Variants in PDHX observed in about 807,000 individuals in gnomAD.
PDHX encodes pyruvate dehydrogenase protein X component, mitochondrial.
A neutral mutation model predicts 55.3 loss-of-function variants in PDHX; 33 were observed. The observed-to-expected ratio is 0.60, with a 90% CI of 0.45 to 0.80. The LOEUF (loss-of-function observed/expected upper bound fraction) is 0.80, where lower values mean the gene tolerates loss of function less well. PDHX is among the 30% of genes least tolerant of loss of function. The pLI is 0.00. For missense variants in PDHX, 622 were observed against 619.9 expected (o/e 1.00, Z -0.04); for synonymous variants, 226 against 219.4 (o/e 1.03, Z -0.27).
chr11:34,963,671 G>T (rs890743796), intron 5 of PDHX, among the ~76,000 whole-genome samples: 1 of 152,176 alleles, frequency 6.6e-6, no homozygotes, highest in Non-Finnish European at 1.5e-5. Context: ...TGAAGGAAAT[G>T]CCTCCAGCCC....
intron 1 of PDHX, among the ~76,000 whole-genome samples, chr11:34,928,364 A>T (rs1772879047): frequency 1.4e-5 from 2 of 143,094 alleles, no homozygotes; most frequent in African/African-American, 5.6e-5. Flanking sequence ...GAAAGAACAC[A>T]TTGGGACTTT....
Position 34,919,674 on chromosome 11 carries a change from A to G in PDHX, c.160+2859A>G, listed in dbSNP as rs1401938236. 3.3e-5 allele frequency among the ~76,000 whole-genome samples: 5 copies of G among 152,238 alleles called. No homozygotes were observed. In the South Asian group the frequency reaches 6.2e-4, roughly 19 times the overall value. ...AGTGCATGTATATATTTATATACAT[A>G]TATTAATTTGTTTAACAAATCTTTA... On this transcript the variant is annotated intron_variant, in intron 1 of 10. Transcript: ENST00000227868.
chr11:34,958,341 T>C (rs2761819), intron 4 of PDHX, among the ~76,000 whole-genome samples: 109,068 of 151,898 alleles, frequency 0.72, 39,267 homozygotes, highest in Middle Eastern at 0.78. Context: ...GATCTCATTG[T>C]CCAGGCTGGA....
chr11:34,917,058 C>T (rs1232360691), intron 1 of PDHX, among the ~76,000 whole-genome samples: 1 of 152,096 alleles, frequency 6.6e-6, no homozygotes, highest in African/African-American at 2.4e-5. Context: ...GTGACCTTGC[C>T]TTGGAATTTG....
At chr11:34,922,604 A>T (rs1376745299) in intron 1 of PDHX, among the ~76,000 whole-genome samples, 1 of 152,024 alleles carries the variant, frequency 6.6e-6, no homozygotes, top group African/African-American at 2.4e-5. Flanking sequence ...TGCTTTTTTT[A>T]AAAAAATGAA....
chr11:34,945,548 T>G (rs1854601200), intron 2 of PDHX, among the ~76,000 whole-genome samples: 1 of 152,164 alleles, frequency 6.6e-6, no homozygotes, highest in Non-Finnish European at 1.5e-5. Flanking sequence ...AGATATTACT[T>G]CATTGTTTTC....
In PDHX at chr11:34,957,441, G is replaced by C; in HGVS notation, c.400G>C (p.Glu134Gln). ...LGSLIGLIVE[E>Q]GEDWKHVEIP... is the part of the protein sequence containing the mutation. ...TTCACTAATTGGTTTGATAGTAGAA[G>C]AAGGAGAAGATTGGAAACATGTTGA... The change falls in exon 4 of 11, where the codon GAA becomes CAA. Residue 134 changes from glutamate (E) to glutamine (Q), a missense_variant. Physicochemically the swap from Glu to Gln is conservative, Grantham distance 29. Transcript: ENST00000227868. The C allele has an allele frequency of 6.2e-7, 1 of 1,613,666 alleles. No homozygotes were observed.
At chr11:34,967,140 C>T (rs187948173) in intron 6 of PDHX, among the ~76,000 whole-genome samples, 4 of 152,262 alleles carry the variant, frequency 2.6e-5, no homozygotes, top group African/African-American at 9.6e-5. Flanking sequence ...GTGTGAATCA[C>T]CGCACCTGGC....
At chr11:34,970,962 A>G (rs150321916) in intron 7 of PDHX, among the ~76,000 whole-genome samples, 197 of 152,268 alleles carry the variant, frequency 1.3e-3, no homozygotes, top group African/African-American at 4.6e-3. Flanking sequence ...ACATAGGTCA[A>G]TTTTTTTGTA....
At chr11:34,954,823 A>T (rs11606580) in intron 3 of PDHX, among the ~76,000 whole-genome samples, 32,556 of 152,144 alleles carry the variant, frequency 0.21, 4,508 homozygotes, top group Non-Finnish European at 0.32. Context: ...CATAACAACA[A>T]TGTGAAGTAG....
At chr11:34,983,750 A>G (rs1295970966) in intron 8 of PDHX, among the ~76,000 whole-genome samples, 5 of 152,194 alleles carry the variant, frequency 3.3e-5, no homozygotes, top group Admixed American at 1.3e-4. Flanking sequence ...GAGAACTACA[A>G]ACCACTGCTC....
intron 1 of PDHX, 126 bp from the exon 2 acceptor site, chr11:34,931,278 A>G (rs1565149868): frequency 8.9e-6 from 6 of 674,726 alleles, no homozygotes; most frequent in Non-Finnish European, 1.4e-5. Flanking sequence ...CCAGTTGGGA[A>G]TCTTTTAGAC....
Position 34,984,681 on chromosome 11 carries a change from A to G in PDHX, c.1135A>G (p.Lys379Glu). ...TDKGLLTPII[K>E]DAAAKGIQEI... is the part of the protein sequence containing the mutation. ...TAAAGGCTTACTTACTCCAATCATA[A>G]AAGATGCTGCTGCTAAAGGTATCCA... Residue 379 changes from lysine (K) to glutamate (E), a missense_variant, in exon 9 of 11, where the codon AAA (lysine) becomes GAA (glutamate). Coordinates refer to ENST00000227868, the MANE Select transcript of PDHX (RefSeq NM_003477.3). 1 of 1,614,102 alleles carries G rather than the reference A, an allele frequency of 6.2e-7. No individual in the cohort carries two copies. The highest frequency in any genetic ancestry group is 1.1e-5 in the South Asian group (1 of 91,078).
At chr11:34,949,655 A>C (rs1029211020) in intron 3 of PDHX, among the ~76,000 whole-genome samples, 1 of 152,210 alleles carries the variant, frequency 6.6e-6, no homozygotes, top group African/African-American at 2.4e-5. Context: ...TTAAATGATA[A>C]ATTAATAAAG....
chr11:34,934,772 T>C (rs145235972), intron 2 of PDHX, among the ~76,000 whole-genome samples: 384 of 151,550 alleles, frequency 2.5e-3, no homozygotes, highest in African/African-American at 8.8e-3. Context: ...AGAGACAGGG[T>C]CTCCCTGTGT....
chr11:34,945,961 A>G (rs1352795319), intron 2 of PDHX, among the ~76,000 whole-genome samples: 1 of 152,172 alleles, frequency 6.6e-6, no homozygotes, highest in African/African-American at 2.4e-5. Flanking sequence ...CTCAGCCACT[A>G]ATTCTTCAGG....
At chr11:34,981,821 A>G (rs1363965654) in intron 8 of PDHX, among the ~76,000 whole-genome samples, 1 of 152,192 alleles carries the variant, frequency 6.6e-6, no homozygotes, top group Non-Finnish European at 1.5e-5. Flanking sequence ...GTCTGTTCAT[A>G]TCCCTCGCCC....
chr11:34,916,708 TGGGCTTCCCC>T lies in PDHX; in HGVS notation c.56_65del (p.Gly19AlafsTer5). ...GATCCGCGGCTGCTGCGTTATCTTG[TGGGCTTCCCC>T]GGCCGCCGAAGCGTAGGGCTGGTGA... On this transcript the variant is annotated frameshift_variant, in exon 1 of 11. Coordinates refer to ENST00000227868, the MANE Select transcript of PDHX (RefSeq NM_003477.3). LOFTEE classifies it high-confidence loss of function. The T allele has an allele frequency of 6.2e-7, 1 of 1,613,132 alleles. No homozygotes were observed. Among genetic ancestry groups the T allele is most frequent in the Non-Finnish European group, 8.5e-7 (1 of 1,179,910 alleles).
chr11:34,955,752 A>G (rs1277350483), intron 3 of PDHX, among the ~76,000 whole-genome samples: 1 of 152,154 alleles, frequency 6.6e-6, no homozygotes, highest in Non-Finnish European at 1.5e-5. Context: ...CCACTTTCAG[A>G]TGTAGTACAG....
Sources: gnomAD v4.1 joint callset for allele counts (sites outside exome capture counted in the v4.1 genomes callset) on GRCh38, gnomAD v4.1.1 for gene constraint, MANE v1.5 for transcripts, NCBI Gene and HGNC (gene_info 2026-07-23, HGNC 2026-07-21) for gene names.